P4HA1: variants seen among roughly 807,000 people sequenced by gnomAD.
P4HA1 encodes the protein prolyl 4-hydroxylase subunit alpha-1.
P4HA1 carries 24 observed loss-of-function variants against 72.8 expected under a neutral mutation model. That is an observed-to-expected ratio of 0.33 (90% confidence interval 0.24 to 0.46). The LOEUF (loss-of-function observed/expected upper bound fraction) is 0.46. Among genes scored for constraint, P4HA1 ranks in the 20% least tolerant of loss-of-function variants. The pLI, the probability that P4HA1 is intolerant of heterozygous loss-of-function variation, is 1.00. For missense variants in P4HA1, 446 were observed against 640.6 expected (o/e 0.70, Z 3.28); for synonymous variants, 201 against 218.8 (o/e 0.92, Z 0.72).
At chr10:73,037,663 G>A (rs1238909628) in intron 9 of P4HA1, among the ~76,000 whole-genome samples, 11 of 142,368 alleles carry the variant, frequency 7.7e-5, no homozygotes, top group Admixed American at 1.4e-4. Context: ...TTCTTCTCTA[G>A]GTGCTTGATG....
At chr10:73,058,219 A>T (rs1841207884) in intron 5 of P4HA1, among the ~76,000 whole-genome samples, 1 of 151,490 alleles carries the variant, frequency 6.6e-6, no homozygotes, top group African/African-American at 2.4e-5. Flanking sequence ...TTAGATGGTT[A>T]TTAAGAAATG....
At chr10:73,014,367 T>C (rs754144063) in intron 11 of P4HA1, 78 bp from the exon 12 acceptor site, 9 of 1,034,258 alleles carry the variant, frequency 8.7e-6, no homozygotes, top group Non-Finnish European at 1.2e-5. Flanking sequence ...TAAACATCAG[T>C]AGTAATATCC....
At chr10:73,038,906 G>A (rs1038121720) in intron 9 of P4HA1, among the ~76,000 whole-genome samples, 3 of 110,094 alleles carry the variant, frequency 2.7e-5, no homozygotes, top group South Asian at 7.0e-4. Context: ...GATTACAGGC[G>A]TGAGCCACCG....
chr10:73,090,112 G>A (rs1221795038), intron 1 of P4HA1, among the ~76,000 whole-genome samples: 2 of 151,804 alleles, frequency 1.3e-5, no homozygotes, highest in Non-Finnish European at 2.9e-5. Context: ...GGGATTACAG[G>A]TGTGAGCCAC....
intron 3 of P4HA1, among the ~76,000 whole-genome samples, chr10:73,073,206 T>C (rs1458178555): frequency 4.8e-5 from 7 of 144,724 alleles, no homozygotes; most frequent in Non-Finnish European, 3.0e-5. Flanking sequence ...CAGCTTCCTG[T>C]ATCCATCCAT....
At chr10:73,071,783 T>C (rs1046129816) in intron 4 of P4HA1, among the ~76,000 whole-genome samples, 1 of 152,144 alleles carries the variant, frequency 6.6e-6, no homozygotes, top group Admixed American at 6.5e-5. Flanking sequence ...TGAAGCTATA[T>C]GCCAAATAAT....
At chr10:73,024,990 A>T (rs1486857865) in intron 10 of P4HA1, among the ~76,000 whole-genome samples, 1 of 152,252 alleles carries the variant, frequency 6.6e-6, no homozygotes. Context: ...TTGAGGCAAT[A>T]ACAGCCTACC....
At chr10:73,048,224 AATG>A (rs1436193282) in intron 7 of P4HA1, among the ~76,000 whole-genome samples, 1 of 152,172 alleles carries the variant, frequency 6.6e-6, no homozygotes, top group Admixed American at 6.5e-5. Flanking sequence ...TCTTTTATAT[AATG>A]ATGAGATGAA....
At chr10:73,056,293 A>C (rs1841146371) in intron 5 of P4HA1, among the ~76,000 whole-genome samples, 1 of 152,234 alleles carries the variant, frequency 6.6e-6, no homozygotes, top group South Asian at 2.1e-4. Context: ...TTTCAATGCT[A>C]TAGAGAAAAT....
intron 5 of P4HA1, among the ~76,000 whole-genome samples, chr10:73,067,484 C>CA (rs1205395626): frequency 1.3e-5 from 2 of 152,212 alleles, no homozygotes. Flanking sequence ...GAGATGGCTT[C>CA]TGCTTACCTC....
chr10:73,096,501 G>C (rs1842169441), intron 1 of P4HA1, among the ~76,000 whole-genome samples: 1 of 152,322 alleles, frequency 6.6e-6, no homozygotes, highest in Non-Finnish European at 1.5e-5. Flanking sequence ...CGGGGACTGA[G>C]GCTGCAGCAG....
At chr10:73,055,668 T>C (rs556266156) in intron 5 of P4HA1, among the ~76,000 whole-genome samples, 1 of 152,372 alleles carries the variant, frequency 6.6e-6, no homozygotes, top group South Asian at 2.1e-4. Context: ...GAAACTTCTA[T>C]TTTAAGAAAA....
chr10:73,037,571 A>ATATATATATAT (rs1238501206), intron 9 of P4HA1, among the ~76,000 whole-genome samples: 1 of 30,616 alleles, frequency 3.3e-5, no homozygotes, highest in Non-Finnish European at 5.9e-5. Context: ...ATATATATAT[A>ATATATATATAT]TTTTTTTTTT....
chr10:73,054,363 G>A lies in P4HA1; in HGVS notation c.464-773C>T, dbSNP rs368758130. Reference sequence around the variant, plus strand: ...ATTCACTCATTGAAAGATTACAGTAGTTCTTAGTATATTTACAGAGTAGAG... The same window carrying A: ...ATTCACTCATTGAAAGATTACAGTAATTCTTAGTATATTTACAGAGTAGAG... On this transcript the variant is annotated intron_variant, in intron 5 of 14. Coordinates refer to ENST00000394890, the MANE Select transcript of P4HA1 (RefSeq NM_001017962.3). 1.3e-4 allele frequency among the ~76,000 whole-genome samples: 20 copies of A among 152,304 alleles called. No homozygotes were observed. In the East Asian group the frequency reaches 3.7e-3, roughly 28 times the overall value.
At chr10:73,057,267 G>C (rs1439812024) in intron 5 of P4HA1, among the ~76,000 whole-genome samples, 1 of 151,882 alleles carries the variant, frequency 6.6e-6, no homozygotes, top group African/African-American at 2.4e-5. Flanking sequence ...GAAGCAGGCA[G>C]ATCATGAGGT....
intron 9 of P4HA1, among the ~76,000 whole-genome samples, chr10:73,036,888 T>A (rs1202453450): frequency 6.6e-6 from 1 of 152,202 alleles, no homozygotes; most frequent in East Asian, 1.9e-4. Context: ...TACTGTAATG[T>A]ATGTTAACTG....
In P4HA1 at chr10:73,040,531, A is replaced by G. The variant is rs573551654; in HGVS notation, c.1148+4450T>C. 1.4e-4 allele frequency among the ~76,000 whole-genome samples: 21 copies of G among 146,940 alleles called. No individual in the cohort carries two copies. In the South Asian group the frequency reaches 4.5e-3, roughly 31 times the overall value. On this transcript the variant is annotated intron_variant, in intron 9 of 14. Transcript: ENST00000394890. ...TCTCTCTGTCGCCAGGCTGGAGTGC[A>G]GTGGCATGATCTCGGCTCACTGCAA...
chr10:73,050,747 C>A (rs1841000250), intron 7 of P4HA1, among the ~76,000 whole-genome samples: 2 of 151,868 alleles, frequency 1.3e-5, no homozygotes, highest in Admixed American at 1.3e-4. Context: ...ATTCTGTAGC[C>A]CAGGCTGGAG....
At chr10:73,075,295 G>T (rs1377068193) in intron 1 of P4HA1, among the ~76,000 whole-genome samples, 1 of 152,110 alleles carries the variant, frequency 6.6e-6, no homozygotes, top group East Asian at 1.9e-4. Flanking sequence ...TTTTAGCAGA[G>T]ACAAGGTTTT....
Sources: gnomAD v4.1 joint callset for allele counts (sites outside exome capture counted in the v4.1 genomes callset) on GRCh38, gnomAD v4.1.1 for gene constraint, MANE v1.5 for transcripts, NCBI Gene and HGNC (gene_info 2026-07-23, HGNC 2026-07-21) for gene names.